The following VWC2 variants were observed in gnomAD, a reference collection of about 807,000 sequenced individuals.
VWC2 encodes the protein brorin.
Under a neutral mutation model 29.8 loss-of-function variants are expected in VWC2, and 14 were observed. The ratio of observed to expected loss-of-function variants is 0.47; its 90% confidence interval spans 0.31 to 0.74. The LOEUF (loss-of-function observed/expected upper bound fraction) is 0.74, where lower values mean the gene tolerates loss of function less well. Ranked by LOEUF, VWC2 falls within the 30% of genes least tolerant of loss-of-function variation. The probability of loss-of-function intolerance (pLI) is 0.05; values close to 1 mark genes in which losing one functional copy is unlikely to be tolerated. For missense variants in VWC2, 457 were observed against 459.8 expected (o/e 0.99, Z 0.05); for synonymous variants, 213 against 199.0 (o/e 1.07, Z -0.59).
chr7:49,789,339 G>C (rs1788410610), intron 2 of VWC2, among the ~76,000 whole-genome samples: 1 of 151,146 alleles, frequency 6.6e-6, no homozygotes, highest in Non-Finnish European at 1.5e-5. Flanking sequence ...GGGTGCGTGT[G>C]AGTGTATATG....
At chr7:49,857,381 TGAA>T (rs1790469397) in intron 3 of VWC2, among the ~76,000 whole-genome samples, 1 of 152,234 alleles carries the variant, frequency 6.6e-6, no homozygotes, top group Non-Finnish European at 1.5e-5. Context: ...TTTTTAAGCC[TGAA>T]TATTCCAATG....
At chr7:49,854,701 GA>G (rs1403586008) in intron 3 of VWC2, among the ~76,000 whole-genome samples, 1 of 152,166 alleles carries the variant, frequency 6.6e-6, no homozygotes, top group Non-Finnish European at 1.5e-5. Flanking sequence ...TTGCTGTGCA[GA>G]AGCTCTTTAG....
chr7:49,873,447 A>AT (rs1562744744), intron 3 of VWC2, among the ~76,000 whole-genome samples: 5 of 151,956 alleles, frequency 3.3e-5, no homozygotes, highest in African/African-American at 1.2e-4. Context: ...TGCCCAAGTC[A>AT]CCACCTCCTG....
intron 2 of VWC2, among the ~76,000 whole-genome samples, chr7:49,783,141 T>C (rs1788214245): frequency 6.6e-6 from 1 of 152,186 alleles, no homozygotes; most frequent in Admixed American, 6.5e-5. Context: ...ATGATATCTC[T>C]AAATCTGATA....
intron 3 of VWC2, among the ~76,000 whole-genome samples, chr7:49,875,267 G>C (rs1791352940): frequency 6.7e-6 from 1 of 148,188 alleles, no homozygotes; most frequent in Non-Finnish European, 1.5e-5. Context: ...CTACTCAGGA[G>C]GCTGAGGCAG....
At chr7:49,836,741 A>C (rs1249512618) in intron 3 of VWC2, among the ~76,000 whole-genome samples, 1 of 152,152 alleles carries the variant, frequency 6.6e-6, no homozygotes, top group Non-Finnish European at 1.5e-5. Context: ...GAGGCCTAGA[A>C]AAAATCTTTT....
chr7:49,885,200 A>T (rs769637818), intron 3 of VWC2, among the ~76,000 whole-genome samples: 4 of 152,156 alleles, frequency 2.6e-5, no homozygotes, highest in Non-Finnish European at 5.9e-5. Context: ...TAAATAATTT[A>T]GTTCCAGAGA....
At chr7:49,835,327 A>G (rs1789631831) in intron 3 of VWC2, among the ~76,000 whole-genome samples, 1 of 152,238 alleles carries the variant, frequency 6.6e-6, no homozygotes. Flanking sequence ...AAGGGGGCTC[A>G]CATTCCTCAG....
intron 3 of VWC2, among the ~76,000 whole-genome samples, chr7:49,846,227 C>T (rs1789941524): frequency 6.6e-6 from 1 of 152,160 alleles, no homozygotes; most frequent in Non-Finnish European, 1.5e-5. Flanking sequence ...CAAAGAGTCG[C>T]CCCCAAGACT....
At position 49,915,741 on chromosome 7, in the gene VWC2, G is replaced by T. The variant is rs1028577980; in HGVS notation, c.*3556G>T. On this transcript the variant is annotated 3_prime_UTR_variant, in exon 4 of 4. Coordinates refer to ENST00000340652, the MANE Select transcript of VWC2 (RefSeq NM_198570.5). ...AAAATATTAACAATTTGCTAAATTT[G>T]CTTCAATGGGCAAGAGATCAATCCT... 6.6e-6 allele frequency: 1 copy of T among 152,094 alleles called. No individual in the cohort carries two copies. Among genetic ancestry groups the T allele is most frequent in the South Asian group, 2.1e-4 (1 of 4,832 alleles). 9.4% of individuals were successfully genotyped at this position (152,094 alleles called of 1,614,324 possible). A position where few individuals can be genotyped will look rare whatever the true frequency, so the allele number is the denominator to read the frequency against.
At chr7:49,779,144 C>T (rs867716592) in intron 2 of VWC2, among the ~76,000 whole-genome samples, 6 of 152,148 alleles carry the variant, frequency 3.9e-5, no homozygotes, top group South Asian at 2.1e-4. Flanking sequence ...CAGAGCCTGG[C>T]TGTGCTTGTG....
At chr7:49,804,245 A>C (rs1184294954) in intron 3 of VWC2, among the ~76,000 whole-genome samples, 1 of 151,800 alleles carries the variant, frequency 6.6e-6, no homozygotes, top group Admixed American at 6.6e-5. Context: ...TACTAGTGTT[A>C]ATTACCACTA....
chr7:49,911,417 G>C (rs957222557), intron 3 of VWC2, among the ~76,000 whole-genome samples: 1 of 147,206 alleles, frequency 6.8e-6, no homozygotes, highest in South Asian at 2.2e-4. Flanking sequence ...CGGAGGCAGA[G>C]GTTGCAGTGA....
At chr7:49,788,868 G>A (rs1562704953) in intron 2 of VWC2, among the ~76,000 whole-genome samples, 3 of 141,188 alleles carry the variant, frequency 2.1e-5, no homozygotes, top group Admixed American at 1.4e-4. Context: ...GAGCGTGTGT[G>A]TGGGGGGTGT....
At chr7:49,865,180 A>G (rs1476057083) in intron 3 of VWC2, among the ~76,000 whole-genome samples, 5 of 152,206 alleles carry the variant, frequency 3.3e-5, no homozygotes, top group Non-Finnish European at 5.9e-5. Context: ...AAGAGGAGGA[A>G]GAGAATGTGC....
chr7:49,882,186 A>G lies in VWC2; in HGVS notation c.827-29848A>G, dbSNP rs139837234. On this transcript the variant is annotated intron_variant, in intron 3 of 3. Transcript: ENST00000340652. ...TTGTTCTCTTCTTTTATTAATTTAA[A>G]AGAGAACAAAACTAGTGGAAGTAAC... Among the ~76,000 whole-genome samples the G allele has an allele frequency of 3.2e-3, 488 of 152,294 alleles. 1 individual carries two copies. Among genetic ancestry groups the G allele is most frequent in the African/African-American group, 0.011 (437 of 41,580 alleles).
chr7:49,775,321 T>G lies in VWC2; in HGVS notation c.-103-12T>G. On this transcript the variant is annotated splice_polypyrimidine_tract_variant and intron_variant, in intron 1 of 3. Transcript: ENST00000340652. ...GCCGCGGGGCTCAGTTGTGCTGCTG[T>G]TCTCTCCGCAGGGACGGCGGCTCCC... 2 of 726,766 alleles carry G rather than the reference T, an allele frequency of 2.8e-6. No homozygotes were observed. Among genetic ancestry groups the G allele is most frequent in the Non-Finnish European group, 3.8e-6 (2 of 530,588 alleles). The allele number at this position is 726,766 out of a possible 1,614,324, so 45.0% of individuals were successfully genotyped here. A position where few individuals can be genotyped will look rare whatever the true frequency, so the allele number is the denominator to read the frequency against.
Position 49,857,009 on chromosome 7 carries a change from C to CAAAAAAAA in VWC2, c.826+54194_826+54201dup, listed in dbSNP as rs59910243. ...TGGGTGACAGAGCCAGATACTGTCT[C>CAAAAAAAA]AAAAAAAAAAAAAAAAAAAAAAAAA... On this transcript the variant is annotated intron_variant, in intron 3 of 3. Coordinates refer to ENST00000340652, the MANE Select transcript of VWC2 (RefSeq NM_198570.5). Among the ~76,000 whole-genome samples the CAAAAAAAA allele has an allele frequency of 1.3e-4, 7 of 52,786 alleles. 1 individual carries two copies. In the Admixed American group the frequency reaches 1.9e-3, roughly 15 times the overall value. The allele number at this position is 52,786 out of a possible 152,430, so 34.6% of individuals were successfully genotyped here. A position where few individuals can be genotyped will look rare whatever the true frequency, so the allele number is the denominator to read the frequency against.
intron 3 of VWC2, among the ~76,000 whole-genome samples, chr7:49,892,676 T>C (rs1256482769): frequency 2.6e-5 from 4 of 152,212 alleles, no homozygotes; most frequent in Non-Finnish European, 5.9e-5. Flanking sequence ...ACTTGCCCAG[T>C]GAGTTAGCTT....
Sources: gnomAD v4.1 joint callset for allele counts (sites outside exome capture counted in the v4.1 genomes callset) on GRCh38, gnomAD v4.1.1 for gene constraint, MANE v1.5 for transcripts, NCBI Gene and HGNC (gene_info 2026-07-23, HGNC 2026-07-21) for gene names.